ARAP2: variants seen among roughly 807,000 people sequenced by gnomAD.
ARAP2 encodes the protein arf-GAP with Rho-GAP domain, ANK repeat and PH domain-containing protein 2.
ARAP2 carries 148 observed loss-of-function variants against 194.5 expected under a neutral mutation model. That is an observed-to-expected ratio of 0.76 (90% confidence interval 0.67 to 0.87). ARAP2 has a LOEUF of 0.87. Among genes scored for constraint, ARAP2 ranks in the 40% least tolerant of loss-of-function variants. ARAP2 has a pLI of 0.00. For synonymous variants in ARAP2, 695 were observed against 683.5 expected, an observed-to-expected ratio of 1.02 and a Z score of -0.26; for missense variants, 2,128 against 1,989.7, an observed-to-expected ratio of 1.07 and a Z score of -1.32.
chr4:36,110,984 G>T (rs1405704616), intron 26 of ARAP2, among the ~76,000 whole-genome samples: 1 of 151,644 alleles, frequency 6.6e-6, no homozygotes, highest in African/African-American at 2.4e-5. Context: ...TTTTAATTAG[G>T]GTATTAATTT....
intron 21 of ARAP2, among the ~76,000 whole-genome samples, chr4:36,126,991 T>C (rs1004183392): frequency 6.6e-6 from 1 of 151,978 alleles, no homozygotes; most frequent in African/African-American, 2.4e-5. Flanking sequence ...GAGCACATCA[T>C]GCCTGAGCTA....
intron 3 of ARAP2, among the ~76,000 whole-genome samples, chr4:36,051,117 T>C (rs761890272): frequency 5.9e-5 from 9 of 152,212 alleles, no homozygotes; most frequent in Non-Finnish European, 1.0e-4. Context: ...TCATCACTAA[T>C]GGTAGTAGGT....
chr4:36,041,092 A>C (rs1053644305), intron 5 of ARAP2, among the ~76,000 whole-genome samples: 1 of 152,036 alleles, frequency 6.6e-6, no homozygotes, highest in Non-Finnish European at 1.5e-5. Flanking sequence ...TGAGATAATC[A>C]TTGGGTTTTG....
intron 2 of ARAP2, among the ~76,000 whole-genome samples, chr4:36,053,577 T>A (rs1020083235): frequency 5.3e-5 from 8 of 152,246 alleles, no homozygotes; most frequent in Admixed American, 4.6e-4. Context: ...GAATTACTTG[T>A]ATCTTCAACT....
chr4:36,190,967 G>A (rs1277652883), intron 7 of ARAP2, among the ~76,000 whole-genome samples: 1 of 152,198 alleles, frequency 6.6e-6, no homozygotes, highest in African/African-American at 2.4e-5. Context: ...AAGTGCTCTA[G>A]AAATTCAGAA....
chr4:36,017,606 C>T (rs1484953919), intron 6 of ARAP2, among the ~76,000 whole-genome samples: 3 of 117,406 alleles, frequency 2.6e-5, no homozygotes, highest in Admixed American at 1.0e-4. Flanking sequence ...TGGAATCTTC[C>T]AGGCAGAAGA....
At chr4:36,006,518 A>T (rs1713309473) in intron 10 of ARAP2, 1 of 152,018 alleles carries the variant, frequency 6.6e-6, no homozygotes, top group Admixed American at 6.6e-5. Context: ...CAAAGTCCAC[A>T]CTCTTCATTG....
At chr4:36,058,640 GTTC>G (rs1723916224) in intron 1 of ARAP2, among the ~76,000 whole-genome samples, 1 of 151,800 alleles carries the variant, frequency 6.6e-6, no homozygotes, top group Non-Finnish European at 1.5e-5. Flanking sequence ...TGAAATCATT[GTTC>G]TTCTTCAAGC....
At chr4:36,059,964 A>G (rs551587440) in intron 1 of ARAP2, among the ~76,000 whole-genome samples, 1 of 152,182 alleles carries the variant, frequency 6.6e-6, no homozygotes, top group Non-Finnish European at 1.5e-5. Context: ...AGAAGGCAGC[A>G]AGTTAGACAA....
intron 8 of ARAP2, among the ~76,000 whole-genome samples, chr4:36,182,226 C>G (rs1427510679): frequency 6.6e-6 from 1 of 152,206 alleles, no homozygotes; most frequent in East Asian, 1.9e-4. Flanking sequence ...GGCATGGTGG[C>G]TCACGCCTGT....
rs925648048 is a variant in ARAP2 at position 36,108,508 on chromosome 4, A to G, written c.4157-815T>C. ...AGTCTATATTTAACTACTAGTGGGA[A>G]TATAAAAAACATGATGTGTCAATAT... On this transcript the variant is annotated intron_variant, in intron 26 of 32. Transcript: ENST00000303965. Among the ~76,000 whole-genome samples, 3 of 152,114 alleles carry G rather than the reference A, an allele frequency of 2.0e-5. No homozygotes were observed. In the South Asian group the frequency reaches 6.2e-4, roughly 32 times the overall value.
chr4:36,011,532 C>T (rs1277966985), intron 9 of ARAP2, among the ~76,000 whole-genome samples: 2 of 152,058 alleles, frequency 1.3e-5, no homozygotes, highest in Admixed American at 6.6e-5. Flanking sequence ...AACTCTTTTT[C>T]CAGAGAATCT....
intron 9 of ARAP2, among the ~76,000 whole-genome samples, chr4:36,175,017 A>ACAT (rs1237931549): frequency 1.3e-5 from 2 of 152,198 alleles, no homozygotes; most frequent in South Asian, 2.1e-4. Flanking sequence ...TTCCTATGTT[A>ACAT]GGGTAGTGTA....
At chr4:36,124,274 T>C (rs998224148) in intron 22 of ARAP2, among the ~76,000 whole-genome samples, 10 of 151,780 alleles carry the variant, frequency 6.6e-5, no homozygotes, top group Non-Finnish European at 1.3e-4. Context: ...TCAAAATTTA[T>C]ATTTATTTAA....
chr4:36,130,971 T>C (rs1013162724), intron 20 of ARAP2, among the ~76,000 whole-genome samples: 3 of 151,866 alleles, frequency 2.0e-5, no homozygotes, highest in Admixed American at 6.6e-5. Flanking sequence ...CAAGAACTAG[T>C]GTAATTTACT....
intron 27 of ARAP2, among the ~76,000 whole-genome samples, chr4:36,094,258 TA>T (rs1353929804): frequency 1.3e-5 from 2 of 152,186 alleles, no homozygotes; most frequent in African/African-American, 4.8e-5. Context: ...ATTAGTCCTA[TA>T]AAAATAAAGT....
In ARAP2 at chr4:36,067,578, C is replaced by G. The variant is rs1282971320; in HGVS notation, c.*329G>C. The G allele has an allele frequency of 1.0e-5, 2 of 194,244 alleles. No homozygotes were observed. Among genetic ancestry groups the G allele is most frequent in the Non-Finnish European group, 2.1e-5 (2 of 94,838 alleles). The allele number at this position is 194,244 out of a possible 1,614,324, so 12.0% of individuals were successfully genotyped here. The stretch of plus-strand genomic sequence containing the variant: ...TTTAAACACAGCATTTTATACAATA[C>G]AGTACAGTTTGAGATTTCTGCTCAT... On this transcript the variant is annotated 3_prime_UTR_variant, in exon 33 of 33. Transcript: ENST00000303965.
chr4:36,161,119 A>G (rs1361174417), intron 12 of ARAP2, among the ~76,000 whole-genome samples: 1 of 149,940 alleles, frequency 6.7e-6, no homozygotes, highest in Non-Finnish European at 1.5e-5. Context: ...TATTTTACCC[A>G]TGTTGGGTTT....
Position 36,177,827 on chromosome 4 carries a change from C to T in ARAP2, c.1857G>A (p.Gln619=). ...GNSVWLCKNE[Q]DFKSGLGITI... The stretch of plus-strand genomic sequence containing the variant: ...TTGCAATGACTATAACAGAGCTCAC[C>T]TGTTCGTTTTTGCAAAGCCACACAC... The change falls in exon 9 of 33, where the codon CAG becomes CAA. Residue 619 remains glutamine (Q), a splice_region_variant and synonymous_variant. Coordinates refer to ENST00000303965, the MANE Select transcript of ARAP2 (RefSeq NM_015230.4). 3.8e-6 allele frequency: 6 copies of T among 1,597,722 alleles called. No homozygotes were observed. Among genetic ancestry groups the T allele is most frequent in the Non-Finnish European group, 5.1e-6 (6 of 1,173,728 alleles).
Sources: allele counts gnomAD v4.1 joint callset (sites outside exome capture counted in the v4.1 genomes callset), GRCh38; gene constraint gnomAD v4.1.1; transcripts MANE v1.5; gene names NCBI Gene and HGNC (gene_info 2026-07-23, HGNC 2026-07-21).